The following CPM variants were observed in gnomAD, a reference collection of about 807,000 sequenced individuals.
The protein encoded by CPM is carboxypeptidase M.
In CPM, 35 loss-of-function variants were observed where a neutral mutation model predicts 46.4. The ratio of observed to expected loss-of-function variants is 0.75; its 90% CI spans 0.58 to 1.00. The LOEUF is 1.00. Ranked by LOEUF, CPM falls within the 50% of genes least tolerant of loss-of-function variation. CPM has a pLI of 0.00. For synonymous variants in CPM, 195 were observed against 195.3 expected (o/e 1.00, Z 0.01); for missense variants, 422 against 530.4 (o/e 0.80, Z 2.01).
At chr12:68,881,727 C>CT (rs11327074) in intron 3 of CPM, among the ~76,000 whole-genome samples, 21 of 137,566 alleles carry the variant, frequency 1.5e-4, no homozygotes, top group Admixed American at 7.9e-4. Context: ...ATTTTTTTTT[C>CT]TTTTTTTTTT....
At chr12:68,962,210 A>AAAAAAC (rs1555203342) in intron 1 of CPM, among the ~76,000 whole-genome samples, 15,486 of 145,822 alleles carry the variant, frequency 0.11, 1,563 homozygotes, top group African/African-American at 0.25. Context: ...AAAAAAAAAA[A>AAAAAAC]AAAAAAAACC....
At chr12:68,906,150 T>A (rs947904088) in intron 2 of CPM, among the ~76,000 whole-genome samples, 1 of 152,128 alleles carries the variant, frequency 6.6e-6, no homozygotes, top group Non-Finnish European at 1.5e-5. Flanking sequence ...ACTTATAGAG[T>A]CCTATTGATG....
chr12:68,944,719 T>G (rs1295588830), intron 1 of CPM, among the ~76,000 whole-genome samples: 4 of 104,762 alleles, frequency 3.8e-5, no homozygotes, highest in Admixed American at 3.6e-4. Context: ...TGTTTTTTGT[T>G]TTTTTTTTTT....
At chr12:68,901,251 A>G (rs1409056644) in intron 2 of CPM, among the ~76,000 whole-genome samples, 1 of 152,190 alleles carries the variant, frequency 6.6e-6, no homozygotes, top group Non-Finnish European at 1.5e-5. Flanking sequence ...TGAGGAGGGA[A>G]AGGTTTGAAA....
chr12:68,940,952 CA>C (rs1888750058), intron 1 of CPM, among the ~76,000 whole-genome samples: 1 of 152,080 alleles, frequency 6.6e-6, no homozygotes, highest in South Asian at 2.1e-4. Context: ...TCAAACCTTG[CA>C]AAACTGAAAC....
chr12:68,955,753 G>A (rs2136337747), intron 1 of CPM, among the ~76,000 whole-genome samples: 1 of 152,260 alleles, frequency 6.6e-6, no homozygotes, highest in Admixed American at 6.5e-5. Context: ...CCCAGAGCAG[G>A]TAGCTCCTAT....
chr12:68,890,763 T>G (rs537310159), intron 2 of CPM, among the ~76,000 whole-genome samples: 2 of 152,250 alleles, frequency 1.3e-5, no homozygotes, highest in Non-Finnish European at 2.9e-5. Context: ...CACCGGGACA[T>G]TCCACATTGG....
intron 2 of CPM, among the ~76,000 whole-genome samples, chr12:68,930,661 C>T (rs1888462846): frequency 6.6e-6 from 1 of 152,220 alleles, no homozygotes. Context: ...TTTATTTTTA[C>T]ATGATAACTC....
intron 1 of CPM, among the ~76,000 whole-genome samples, chr12:68,949,445 A>G (rs10878879): frequency 0.65 from 99,517 of 152,108 alleles, 33,822 homozygotes; most frequent in African/African-American, 0.86. Flanking sequence ...GAGTGCCAAC[A>G]TGACTGTGGT....
In CPM at chr12:68,870,355, G is replaced by T; in HGVS notation, c.476C>A (p.Ala159Asp). ...CCTTGAGACATTATTATATTCAAAA[G>T]CATCGGGGAAATTTCGATTCAAGTC... ...QYDLNRNFPD[A>D]FEYNNVSRQP... The change falls in exon 5 of 9, where the codon GCT becomes GAT. Residue 159 changes from alanine (A) to aspartate (D), a missense_variant. Ala to Asp is a moderately radical substitution (Grantham distance 126). Transcript: ENST00000551568. 6.2e-7 allele frequency: 1 copy of T among 1,614,112 alleles called. No homozygotes were observed. Among genetic ancestry groups the T allele is most frequent in the Non-Finnish European group, 8.5e-7 (1 of 1,180,004 alleles).
intron 3 of CPM, among the ~76,000 whole-genome samples, chr12:68,880,351 T>A (rs1167281722): frequency 6.6e-6 from 1 of 152,176 alleles, no homozygotes; most frequent in African/African-American, 2.4e-5. Context: ...GAGTGCTATG[T>A]CTGTCAGCTC....
chr12:68,952,653 C>G (rs1888954047), intron 1 of CPM, among the ~76,000 whole-genome samples: 1 of 152,150 alleles, frequency 6.6e-6, no homozygotes, highest in Admixed American at 6.5e-5. Context: ...GGTACAGCAC[C>G]AGCTAAAGAG....
At chr12:68,958,140 C>T (rs892526993) in intron 1 of CPM, among the ~76,000 whole-genome samples, 7 of 152,162 alleles carry the variant, frequency 4.6e-5, no homozygotes, top group Admixed American at 2.0e-4. Context: ...TGAATAGTGC[C>T]GCAATAAACA....
chr12:68,962,004 TC>T (rs1443101962), intron 1 of CPM, among the ~76,000 whole-genome samples: 4 of 151,924 alleles, frequency 2.6e-5, no homozygotes, highest in Admixed American at 1.3e-4. Flanking sequence ...GTCGAGACCA[TC>T]CTGGCTAACG....
intron 2 of CPM, among the ~76,000 whole-genome samples, chr12:68,903,435 C>T (rs1051309081): frequency 6.6e-6 from 1 of 152,208 alleles, no homozygotes; most frequent in Non-Finnish European, 1.5e-5. Context: ...CGCCACTGAA[C>T]ATTTTCAGGT....
At chr12:68,913,757 T>C (rs1887694373) in intron 2 of CPM, 1 of 485,536 alleles carries the variant, frequency 2.1e-6, no homozygotes, top group Non-Finnish European at 4.0e-6. Context: ...AGTGGAACCT[T>C]TATTCCTATA....
In CPM at chr12:68,941,203, G is replaced by GTGTATA. The variant is rs1364968528; in HGVS notation, c.-3-8364_-3-8363insTATACA. 4.7e-5 allele frequency among the ~76,000 whole-genome samples: 7 copies of GTGTATA among 149,544 alleles called. No individual in the cohort carries two copies. The East Asian group carries it at 1.4e-3, about 29-fold the overall frequency. On this transcript the variant is annotated intron_variant, in intron 1 of 8. Transcript: ENST00000546373. ...TGTGTGTGTGTGTGTGTGTGTGTGT[G>GTGTATA]TATATAAAGCTAACACATCAGCTGA...
chr12:68,955,509 G>A (rs1333167637), intron 1 of CPM, among the ~76,000 whole-genome samples: 2 of 151,890 alleles, frequency 1.3e-5, no homozygotes, highest in Non-Finnish European at 2.9e-5. Context: ...GGGGGTGGGG[G>A]GGGCATGTTT....
At chr12:68,882,001 C>T (rs1400650560) in intron 3 of CPM, among the ~76,000 whole-genome samples, 3 of 144,046 alleles carry the variant, frequency 2.1e-5, no homozygotes, top group East Asian at 2.1e-4. Context: ...GGATTACAGG[C>T]GTGAGCCACC....
Sources: allele counts gnomAD v4.1 joint callset (sites outside exome capture counted in the v4.1 genomes callset), GRCh38; gene constraint gnomAD v4.1.1; transcripts MANE v1.5; gene names NCBI Gene and HGNC (gene_info 2026-07-23, HGNC 2026-07-21).